The following RBFOX2 variants were observed in gnomAD, a reference collection of about 807,000 sequenced individuals.
RBFOX2 encodes the protein RNA binding fox-1 homolog 2.
A neutral mutation model predicts 49.1 loss-of-function variants in RBFOX2; 10 were observed. That is an observed-to-expected ratio of 0.20 (90% confidence interval 0.13 to 0.35). The LOEUF is 0.35. Ranked by LOEUF, RBFOX2 falls within the 10% of genes least tolerant of loss-of-function variation. The pLI, the probability that RBFOX2 is intolerant of heterozygous loss-of-function variation, is 1.00. For synonymous variants in RBFOX2, 183 were observed against 187.4 expected (o/e 0.98, Z 0.19); for missense variants, 323 against 486.9 (o/e 0.66, Z 3.17).
intron 2 of RBFOX2, among the ~76,000 whole-genome samples, chr22:35,798,981 T>C (rs1949279848): frequency 6.6e-6 from 1 of 152,188 alleles, no homozygotes; most frequent in Non-Finnish European, 1.5e-5. Context: ...GTATTTTTAA[T>C]AGCGTATGTC....
At chr22:36,026,569 C>T (rs1319906304) in intron 1 of RBFOX2, among the ~76,000 whole-genome samples, 2 of 151,850 alleles carry the variant, frequency 1.3e-5, no homozygotes, top group Non-Finnish European at 2.9e-5. Context: ...CACACACACA[C>T]ACACCAAGTA....
intron 1 of RBFOX2, among the ~76,000 whole-genome samples, chr22:35,929,061 T>C (rs372266019): frequency 1.3e-5 from 2 of 152,208 alleles, no homozygotes; most frequent in South Asian, 2.1e-4. Flanking sequence ...CAAAGCTAAA[T>C]TGAACTATGA....
chr22:35,899,126 A>G (rs1409424609), intron 1 of RBFOX2, among the ~76,000 whole-genome samples: 1 of 123,894 alleles, frequency 8.1e-6, no homozygotes, highest in East Asian at 2.3e-4. Context: ...CTCAAAAATA[A>G]CATAACATAA....
At chr22:35,986,958 T>TC (rs1491575142) in intron 1 of RBFOX2, among the ~76,000 whole-genome samples, 1 of 132,242 alleles carries the variant, frequency 7.6e-6, no homozygotes, top group African/African-American at 3.2e-5. Context: ...TAAAGATCTC[T>TC]TTTTTTTTTT....
At chr22:35,783,800 C>G (rs1263528402) in intron 2 of RBFOX2, among the ~76,000 whole-genome samples, 1 of 152,162 alleles carries the variant, frequency 6.6e-6, no homozygotes, top group Non-Finnish European at 1.5e-5. Context: ...CAAGGACGGC[C>G]CCACACTACT....
intron 8 of RBFOX2, 139 bp downstream of exon 9, chr22:35,761,063 G>A (rs193238024): frequency 0.018 from 12,630 of 705,226 alleles, 151 homozygotes; most frequent in Non-Finnish European, 0.023. Context: ...AAGCAGGACA[G>A]GGCACTGGGA....
rs1360365366 is a variant in RBFOX2 at position 35,746,381 on chromosome 22, C to T, written c.976+92G>A. The T allele has an allele frequency of 1.0e-5, 12 of 1,159,178 alleles. No homozygotes were observed. In the South Asian group the frequency reaches 1.7e-4, roughly 16 times the overall value. 71.8% of individuals were successfully genotyped at this position (1,159,178 alleles called of 1,614,324 possible). ...AAGATGCCCGATGTGCTAAGAGCTG[C>T]TGTGGAAATGGTGAAGGGAGGAAAA... On this transcript the variant is annotated intron_variant, in intron 10 of 11. Transcript: ENST00000405409.
chr22:35,978,699 G>A (rs992796795), intron 1 of RBFOX2, among the ~76,000 whole-genome samples: 2 of 152,178 alleles, frequency 1.3e-5, no homozygotes, highest in African/African-American at 2.4e-5. Context: ...AGCTTGAGGA[G>A]TATAATTATA....
At chr22:35,743,018 T>C (rs754929054) in exon 12 of RBFOX2, 1 of 152,696 alleles carries the variant, frequency 6.5e-6, no homozygotes, top group Non-Finnish European at 1.5e-5. Flanking sequence ...TTGGAGCAAG[T>C]ACAAAGTGCC....
chr22:35,840,107 CTCT>C, intron 1 of RBFOX2: 1 of 1,520,116 alleles, frequency 6.6e-7, no homozygotes, highest in South Asian at 1.1e-5. Context: ...ATGATTAAAA[CTCT>C]TCTTACTATA....
chr22:35,921,376 T>A (rs1175398256), intron 1 of RBFOX2, among the ~76,000 whole-genome samples: 2 of 152,096 alleles, frequency 1.3e-5, no homozygotes, highest in East Asian at 1.9e-4. Flanking sequence ...ATCCTCAGAG[T>A]TTCTGATTCA....
chr22:35,875,730 C>T (rs999096876), intron 1 of RBFOX2, among the ~76,000 whole-genome samples: 4 of 150,828 alleles, frequency 2.7e-5, no homozygotes, highest in Non-Finnish European at 5.9e-5. Flanking sequence ...CTGGACAAGT[C>T]CCGACTACCC....
intron 1 of RBFOX2, among the ~76,000 whole-genome samples, chr22:35,923,429 A>G (rs1025023721): frequency 5.9e-5 from 9 of 151,944 alleles, no homozygotes; most frequent in Admixed American, 3.9e-4. Flanking sequence ...GCTGGAGTGC[A>G]CTGGCACAGT....
At chr22:35,981,301 T>A (rs1255514359) in intron 1 of RBFOX2, among the ~76,000 whole-genome samples, 1 of 152,136 alleles carries the variant, frequency 6.6e-6, no homozygotes, top group Non-Finnish European at 1.5e-5. Flanking sequence ...CACAGACAAA[T>A]CACCTTTTCC....
chr22:35,930,687 G>A (rs778371163), intron 1 of RBFOX2, among the ~76,000 whole-genome samples: 14 of 151,986 alleles, frequency 9.2e-5, no homozygotes, highest in Non-Finnish European at 1.6e-4. Context: ...AAAAGTAGTC[G>A]GGTTTGGTGG....
At chr22:35,989,862 G>A (rs2057895523) in intron 1 of RBFOX2, among the ~76,000 whole-genome samples, 1 of 152,078 alleles carries the variant, frequency 6.6e-6, no homozygotes, top group Admixed American at 6.6e-5. Flanking sequence ...CAGCCACTGT[G>A]GCAAATCCCC....
At chr22:35,982,507 C>T (rs561714179) in intron 1 of RBFOX2, among the ~76,000 whole-genome samples, 6 of 152,246 alleles carry the variant, frequency 3.9e-5, no homozygotes, top group Admixed American at 2.6e-4. Context: ...CCCTCCACAT[C>T]CTCAACAGCC....
intron 1 of RBFOX2, among the ~76,000 whole-genome samples, chr22:35,914,836 G>A (rs2050228314): frequency 6.6e-6 from 1 of 152,190 alleles, no homozygotes. Flanking sequence ...AAATATTTCT[G>A]AACACTTGAC....
intron 1 of RBFOX2, among the ~76,000 whole-genome samples, chr22:35,879,712 T>C (rs148392518): frequency 3.5e-4 from 54 of 152,352 alleles, no homozygotes; most frequent in African/African-American, 1.2e-3. Flanking sequence ...ATTTTGTGCA[T>C]GATCAGATTT....
Sources: allele counts gnomAD v4.1 joint callset (sites outside exome capture counted in the v4.1 genomes callset), GRCh38; gene constraint gnomAD v4.1.1; transcripts MANE v1.5; gene names NCBI Gene and HGNC (gene_info 2026-07-23, HGNC 2026-07-21).